CFAP54: variants seen among roughly 807,000 people sequenced by gnomAD.
CFAP54 encodes the protein cilia and flagella associated protein 54, also known as cilia- and flagella-associated protein 54.
Under a neutral mutation model 370.4 loss-of-function variants are expected in CFAP54, and 290 were observed. The observed-to-expected ratio is 0.78, with a 90% CI of 0.71 to 0.86. The LOEUF (loss-of-function observed/expected upper bound fraction) is 0.86, where lower values mean the gene tolerates loss of function less well. Ranked by LOEUF, CFAP54 falls within the 40% of genes least tolerant of loss-of-function variation. The probability of loss-of-function intolerance (pLI) is 0.00; values close to 1 mark genes in which losing one functional copy is unlikely to be tolerated. For missense variants in CFAP54, 3,399 were observed against 3,528.7 expected, an observed-to-expected ratio of 0.96 and a Z score of 0.93; for synonymous variants, 1,206 against 1,236.5, an observed-to-expected ratio of 0.98 and a Z score of 0.52.
At chr12:96,506,337 CAAAAA>C (rs10709188) in intron 3 of CFAP54, among the ~76,000 whole-genome samples, 2 of 94,428 alleles carry the variant, frequency 2.1e-5, no homozygotes, top group Admixed American at 1.1e-4. Flanking sequence ...GACTCCGTCT[CAAAAA>C]AAAAAAAAAA....
chr12:96,612,595 A>G lies in CFAP54; in HGVS notation c.3640-8995A>G, dbSNP rs147454334. Among the ~76,000 whole-genome samples, 815 of 152,340 alleles carry G rather than the reference A, an allele frequency of 5.3e-3. 9 individuals carry two copies. The highest frequency in any genetic ancestry group is 0.018 in the African/African-American group (762 of 41,576). ...TCCAATTAAAAGACACAGACTGGCA[A>G]GTTGGATAAAGAGTCAAGACCCATT... On this transcript the variant is annotated intron_variant, in intron 26 of 67. Transcript: ENST00000524981.
chr12:96,509,463 T>A (rs1955141602), intron 4 of CFAP54, among the ~76,000 whole-genome samples: 1 of 152,206 alleles, frequency 6.6e-6, no homozygotes, highest in Non-Finnish European at 1.5e-5. Flanking sequence ...TACTTTTAAT[T>A]GACTGTTATA....
chr12:96,804,421 A>G (rs533544110), intron 63 of CFAP54, among the ~76,000 whole-genome samples: 1 of 152,330 alleles, frequency 6.6e-6, no homozygotes, highest in East Asian at 1.9e-4. Context: ...TTGATAGATG[A>G]ATTTTGTAAA....
intron 58 of CFAP54, among the ~76,000 whole-genome samples, 169 bp downstream of exon 58, chr12:96,757,757 G>A (rs1167744971): frequency 6.6e-6 from 1 of 151,944 alleles, no homozygotes; most frequent in African/African-American, 2.4e-5. Context: ...ATATCTCTTT[G>A]GACATTTTAT....
At chr12:96,779,529 G>T (rs1218997881) in intron 60 of CFAP54, among the ~76,000 whole-genome samples, 2 of 150,874 alleles carry the variant, frequency 1.3e-5, no homozygotes, top group African/African-American at 4.9e-5. Context: ...GGAATTGCTG[G>T]TCATAAGACA....
At chr12:96,823,866 T>C (rs1959058780) in intron 65 of CFAP54, among the ~76,000 whole-genome samples, 1 of 152,186 alleles carries the variant, frequency 6.6e-6, no homozygotes, top group Admixed American at 6.5e-5. Context: ...ATCCACCCTA[T>C]GATTTGCCAA....
At chr12:96,740,596 C>A (rs796871514) in intron 51 of CFAP54, among the ~76,000 whole-genome samples, 3 of 152,284 alleles carry the variant, frequency 2.0e-5, no homozygotes, top group African/African-American at 7.2e-5. Flanking sequence ...TATAAAGATT[C>A]ATCATATAGA....
chr12:96,630,038 G>T, intron 30 of CFAP54, 55 bp from the exon 31 acceptor site: 1 of 780,906 alleles, frequency 1.3e-6, no homozygotes, highest in Non-Finnish European at 2.0e-6. Context: ...ATTACTTTGG[G>T]GTAGTTCTGC....
chr12:96,851,108 TA>T (rs1459719067), intron 66 of CFAP54, among the ~76,000 whole-genome samples: 1 of 152,210 alleles, frequency 6.6e-6, no homozygotes, highest in Admixed American at 6.5e-5. Context: ...ATGTAAATTT[TA>T]TTTTTTTTTT....
At chr12:96,638,490 A>C (rs886174088) in intron 32 of CFAP54, among the ~76,000 whole-genome samples, 1 of 151,778 alleles carries the variant, frequency 6.6e-6, no homozygotes, top group East Asian at 1.9e-4. Context: ...CTCCTGCCTC[A>C]GCCTCTCAAA....
At chr12:96,849,574 G>C (rs1959476407) in intron 66 of CFAP54, among the ~76,000 whole-genome samples, 1 of 152,290 alleles carries the variant, frequency 6.6e-6, no homozygotes, top group Non-Finnish European at 1.5e-5. Flanking sequence ...AAGGAAAATT[G>C]TTGGAACACA....
intron 63 of CFAP54, among the ~76,000 whole-genome samples, chr12:96,796,591 G>A (rs1256941853): frequency 6.6e-6 from 1 of 152,060 alleles, no homozygotes; most frequent in Admixed American, 6.6e-5. Context: ...TTCTGATTGG[G>A]CCAATATCTT....
chr12:96,794,373 A>G (rs1395205567), intron 63 of CFAP54, among the ~76,000 whole-genome samples: 16 of 151,386 alleles, frequency 1.1e-4, no homozygotes, highest in Admixed American at 1.1e-3. Context: ...AGCAGTATTA[A>G]TTATTCTTAG....
chr12:96,611,978 T>A (rs1032603899), intron 26 of CFAP54, among the ~76,000 whole-genome samples: 1 of 152,152 alleles, frequency 6.6e-6, no homozygotes, highest in African/African-American at 2.4e-5. Flanking sequence ...CTGCAGGATA[T>A]TATCCGGGAG....
At chr12:96,613,941 G>A (rs770069972) in intron 26 of CFAP54, among the ~76,000 whole-genome samples, 2 of 152,086 alleles carry the variant, frequency 1.3e-5, no homozygotes, top group Non-Finnish European at 2.9e-5. Context: ...GGTACAAGGA[G>A]GAGCGGGTAC....
At chr12:96,699,782 G>T (rs756475694) in intron 45 of CFAP54, among the ~76,000 whole-genome samples, 189 bp from the exon 46 acceptor site, 1 of 152,186 alleles carries the variant, frequency 6.6e-6, no homozygotes, top group African/African-American at 2.4e-5. Context: ...CATTGCACAT[G>T]TGTATGGGCA....
chr12:96,677,777 C>A lies in CFAP54; in HGVS notation c.5564-1823C>A, dbSNP rs112755785. Reference sequence around the variant, plus strand: ...GGGGAAACAATTACTTCTGTCAATGCGGCCATGTCCCTGGTTTGACTGAAG... The same window carrying A: ...GGGGAAACAATTACTTCTGTCAATGAGGCCATGTCCCTGGTTTGACTGAAG... On this transcript the variant is annotated intron_variant, in intron 39 of 67. Transcript: ENST00000524981. Among the ~76,000 whole-genome samples the A allele has an allele frequency of 1.4e-4, 22 of 152,224 alleles. No individual in the cohort carries two copies. In the South Asian group the frequency reaches 4.4e-3, roughly 30 times the overall value.
rs866733934 is a variant in CFAP54, at chr12:96,744,871, A to G, written c.7684+725A>G. Among the ~76,000 whole-genome samples the G allele has an allele frequency of 1.2e-4, 18 of 152,178 alleles. 1 individual carries two copies. In the Middle Eastern group the frequency reaches 0.014, roughly 115 times the overall value. ...CCCTTGCTCTACCCCCCAGTAGGTC[A>G]TAGTGTGTGTCATTCCCCCTCGACG... On this transcript the variant is annotated intron_variant, in intron 55 of 67. Transcript: ENST00000524981.
intron 64 of CFAP54, 108 bp from the exon 65 acceptor site, chr12:96,817,667 G>C: frequency 2.0e-6 from 1 of 490,450 alleles, no homozygotes; most frequent in East Asian, 4.1e-5. Context: ...TGATCCACCC[G>C]CCTCGGCCTC....
Sources: gnomAD v4.1 joint callset for allele counts (sites outside exome capture counted in the v4.1 genomes callset) on GRCh38, gnomAD v4.1.1 for gene constraint, MANE v1.5 for transcripts, NCBI Gene and HGNC (gene_info 2026-07-23, HGNC 2026-07-21) for gene names.